The following HMGXB4 variants were observed in gnomAD, a reference collection of about 807,000 sequenced individuals.
HMGXB4 encodes the protein HMG-box containing 4.
A neutral mutation model predicts 63.9 loss-of-function variants in HMGXB4; 27 were observed. The ratio of observed to expected loss-of-function variants is 0.42; its 90% CI spans 0.31 to 0.58. The LOEUF (loss-of-function observed/expected upper bound fraction) is 0.58, where lower values mean the gene tolerates loss of function less well. Among genes scored for constraint, HMGXB4 ranks in the 20% least tolerant of loss-of-function variants. The pLI, the probability that HMGXB4 is intolerant of heterozygous loss-of-function variation, is 0.13. For missense variants in HMGXB4, 624 were observed against 700.7 expected, an observed-to-expected ratio of 0.89 and a Z score of 1.24; for synonymous variants, 264 against 265.3, an observed-to-expected ratio of 0.99 and a Z score of 0.05.
In HMGXB4 at chr22:35,262,696, G is replaced by A. The variant is rs564737955; in HGVS notation, c.31+275G>A. 275 of 535,286 alleles carry A rather than the reference G, an allele frequency of 5.1e-4. 2 individuals carry two copies. The South Asian group carries it at 6.0e-3, about 12-fold the overall frequency. 33.2% of individuals were successfully genotyped at this position (535,286 alleles called of 1,614,324 possible). A position where few individuals can be genotyped will look rare whatever the true frequency, so the allele number is the denominator to read the frequency against. ...ACTCTTGGTCCTTGCCAGCTCCAGT[G>A]TGCAGGAGTCTGGGGATAGGAATCA... On this transcript the variant is annotated intron_variant, in intron 2 of 10. Transcript: ENST00000216106.
chr22:35,244,360 C>T, the HMGXB4 span, among the ~76,000 whole-genome samples: 484 of 147,436 alleles, frequency 3.3e-3, 4 homozygotes, highest in African/African-American at 0.012. Context: ...ATGGCGTGAT[C>T]TCGGCTCACT....
At chr22:35,261,051 C>T (rs1922812648) in intron 1 of HMGXB4, among the ~76,000 whole-genome samples, 1 of 152,148 alleles carries the variant, frequency 6.6e-6, no homozygotes, top group Admixed American at 6.5e-5. Flanking sequence ...AAGCATCTGA[C>T]TTAATTGGAT....
Position 35,273,727 on chromosome 22 carries a change from G to T in HMGXB4, c.1215+8124G>T, listed in dbSNP as rs73883583. Among the ~76,000 whole-genome samples the T allele has an allele frequency of 4.2e-3, 643 of 152,208 alleles. 5 individuals are homozygous for T. The highest frequency in any genetic ancestry group is 0.014 in the African/African-American group (594 of 41,524). On this transcript the variant is annotated intron_variant, in intron 5 of 10. Transcript: ENST00000216106. ...AAATCTGTGATTACATCACATATTTGGAAAATAGTTAAGAACCAGAAAGAA... is the reference window on the plus strand; with the variant it reads ...AAATCTGTGATTACATCACATATTTTGAAAATAGTTAAGAACCAGAAAGAA...
chr22:35,291,707 T>C (rs1924944607), intron 9 of HMGXB4, among the ~76,000 whole-genome samples: 1 of 152,212 alleles, frequency 6.6e-6, no homozygotes, highest in African/African-American at 2.4e-5. Context: ...ATGAATTATA[T>C]CATTTAATTC....
the HMGXB4 span, among the ~76,000 whole-genome samples, chr22:35,244,754 C>T: frequency 6.6e-6 from 1 of 152,154 alleles, no homozygotes; most frequent in East Asian, 1.9e-4. Context: ...ATATGAGGTC[C>T]CGTTCCGGCC....
At position 35,274,388 on chromosome 22, in the gene HMGXB4, G is replaced by C. The variant is rs1041160898; in HGVS notation, c.1215+8785G>C. Among the ~76,000 whole-genome samples, 3 of 152,224 alleles carry C rather than the reference G, an allele frequency of 2.0e-5. 1 individual carries two copies. The highest frequency in any genetic ancestry group is 4.4e-5 in the Non-Finnish European group (3 of 68,048). On this transcript the variant is annotated intron_variant, in intron 5 of 10. Transcript: ENST00000216106. ...TCAGCGAAAGGTATGTAGAAGGCAG[G>C]AAGAATTGCTGCCAGGCTGGCCTTC...
At chr22:35,253,453 A>G (rs560167334), upstream of HMGXB4, among the ~76,000 whole-genome samples, 1 of 152,196 alleles carries the variant, frequency 6.6e-6, no homozygotes. Context: ...GGGGACATTT[A>G]TTATTTGTCT....
Position 35,263,111 on chromosome 22 carries a change from T to C in HMGXB4, c.65T>C (p.Ile22Thr). The C allele has an allele frequency of 6.2e-7, 1 of 1,614,008 alleles. No individual in the cohort carries two copies. ...CFDGDHTFED[I>T]GLAAGRSQRE... Reference sequence around the variant, plus strand: ...GATGGTGATCATACCTTTGAGGACATAGGACTTGCAGCTGGCCGAAGCCAA... The same window carrying C: ...GATGGTGATCATACCTTTGAGGACACAGGACTTGCAGCTGGCCGAAGCCAA... The change falls in exon 3 of 11, where the codon ATA becomes ACA. Residue 22 changes from isoleucine to threonine, a missense_variant. Around this residue, in one of 2 missense-constraint regions of HMGXB4, gnomAD observed 472 missense variants for 470.6 expected, o/e 1.00. Transcript: ENST00000216106.
chr22:35,281,690 T>C (rs1924251528), intron 5 of HMGXB4, among the ~76,000 whole-genome samples: 1 of 152,244 alleles, frequency 6.6e-6, no homozygotes, highest in Non-Finnish European at 1.5e-5. Flanking sequence ...GATTGTACAG[T>C]TGGGAAAGAT....
In HMGXB4 at chr22:35,265,196, G is replaced by A. The variant is rs1923135194; in HGVS notation, c.808G>A (p.Asp270Asn). 6.2e-7 allele frequency: 1 copy of A among 1,614,146 alleles called. No individual in the cohort carries two copies. The highest frequency in any genetic ancestry group is 8.5e-7 in the Non-Finnish European group (1 of 1,180,008). Residue 270 changes from aspartate to asparagine, a missense_variant, in exon 5 of 11, where the codon GAC becomes AAC. By Grantham distance (23) the Asp-to-Asn change is conservative. This residue lies in a region of HMGXB4 where 472 missense variants were observed against 470.6 expected (regional missense o/e 1.00). Transcript: ENST00000216106. Reference protein sequence around the residue: ...SSPGPEGCGSDASQFAESHSA... With the variant: ...SSPGPEGCGSNASQFAESHSA... Reference sequence around the variant, plus strand: ...TCCTGGCCCTGAAGGCTGTGGGTCTGACGCCTCCCAGTTCGCAGAGTCCCA... The same window carrying A: ...TCCTGGCCCTGAAGGCTGTGGGTCTAACGCCTCCCAGTTCGCAGAGTCCCA...
the HMGXB4 span, among the ~76,000 whole-genome samples, chr22:35,246,620 A>G: frequency 6.6e-6 from 1 of 152,156 alleles, no homozygotes; most frequent in South Asian, 2.1e-4. Flanking sequence ...CTGGCTAGAA[A>G]GAGCATGCTT....
At chr22:35,289,473 AAAAC>A (rs770427274) in intron 9 of HMGXB4, among the ~76,000 whole-genome samples, 2 of 151,322 alleles carry the variant, frequency 1.3e-5, no homozygotes, top group Non-Finnish European at 2.9e-5. Context: ...TAAAAAAACA[AAAAC>A]AAAAAGGCAA....
At chr22:35,274,516 TCTA>T (rs1424728374) in intron 5 of HMGXB4, among the ~76,000 whole-genome samples, 1 of 152,230 alleles carries the variant, frequency 6.6e-6, no homozygotes, top group Non-Finnish European at 1.5e-5. Flanking sequence ...TAGTTTTTTA[TCTA>T]CTATGTATCA....
At chr22:35,273,384 A>G (rs1031994078) in intron 5 of HMGXB4, among the ~76,000 whole-genome samples, 4 of 152,114 alleles carry the variant, frequency 2.6e-5, no homozygotes, top group African/African-American at 4.8e-5. Flanking sequence ...GCAGACTTGG[A>G]TTCTTACTCT....
chr22:35,270,997 A>G (rs1923569500), intron 5 of HMGXB4, among the ~76,000 whole-genome samples: 1 of 152,164 alleles, frequency 6.6e-6, no homozygotes, highest in Non-Finnish European at 1.5e-5. Flanking sequence ...GCGCAATGGC[A>G]TGCACCTGTA....
chr22:35,289,054 C>T (rs557519290), intron 9 of HMGXB4, among the ~76,000 whole-genome samples: 7 of 151,298 alleles, frequency 4.6e-5, no homozygotes, highest in Admixed American at 2.6e-4. Flanking sequence ...GCAAGAGAAT[C>T]ACTTGAACCT....
chr22:35,280,748 C>T (rs551005298), intron 5 of HMGXB4, among the ~76,000 whole-genome samples: 1 of 152,300 alleles, frequency 6.6e-6, no homozygotes, highest in South Asian at 2.1e-4. Flanking sequence ...AACATCATCT[C>T]TTACCTCTCT....
In HMGXB4 at chr22:35,292,976, C is replaced by T; in HGVS notation, c.1639-16C>T. On this transcript the variant is annotated splice_polypyrimidine_tract_variant and intron_variant, in intron 9 of 10. Transcript: ENST00000216106. ...TCAGGAGTGTGACTCAAGCAACAAC[C>T]TCCTCTCCTTTTCAGGGTATGGTGG... 4 of 1,614,190 alleles carry T rather than the reference C, an allele frequency of 2.5e-6. No individual in the cohort carries two copies. Among genetic ancestry groups the T allele is most frequent in the Non-Finnish European group, 2.5e-6 (3 of 1,180,014 alleles).
intron 3 of HMGXB4, 36 bp downstream of exon 3, chr22:35,263,262 AC>A: frequency 3.2e-6 from 5 of 1,550,526 alleles, no homozygotes; most frequent in African/African-American, 1.4e-5. Flanking sequence ...AAAGTCTTAA[AC>A]TACTCATTTT....
Sources: gnomAD v4.1 joint callset for allele counts (sites outside exome capture counted in the v4.1 genomes callset) on GRCh38, gnomAD v4.1.1 for gene constraint, gnomAD v4.1.1 regional missense constraint, MANE v1.5 for transcripts, NCBI Gene and HGNC (gene_info 2026-07-23, HGNC 2026-07-21) for gene names.